The following LINGO2 variants were observed in gnomAD, a reference collection of about 807,000 sequenced individuals.
The protein encoded by LINGO2 is leucine-rich repeat and immunoglobulin-like domain-containing nogo receptor-interacting protein 2.
In LINGO2, 14 loss-of-function variants were observed where a neutral mutation model predicts 30.6. The observed-to-expected ratio is 0.46, with a 90% CI of 0.30 to 0.72. The LOEUF is 0.72. LINGO2 is among the 30% of genes least tolerant of loss of function. The pLI, the probability that LINGO2 is intolerant of heterozygous loss-of-function variation, is 0.07. For synonymous variants in LINGO2, 317 were observed against 288.5 expected (o/e 1.10, Z -1.00); for missense variants, 729 against 751.7 (o/e 0.97, Z 0.35).
chr9:28,663,894 G>A (rs944157511), intron 1 of LINGO2, among the ~76,000 whole-genome samples: 9 of 143,768 alleles, frequency 6.3e-5, no homozygotes, highest in African/African-American at 2.4e-4. Flanking sequence ...ATTCCTGGAA[G>A]AATCAACTTG....
At chr9:28,091,110 A>G (rs927602937) in intron 4 of LINGO2, among the ~76,000 whole-genome samples, 7 of 152,256 alleles carry the variant, frequency 4.6e-5, no homozygotes, top group Admixed American at 4.6e-4. Context: ...GGATAGGAAG[A>G]ATCAATATCA....
chr9:28,995,450 A>C, the LINGO2 span, among the ~76,000 whole-genome samples: 8 of 152,338 alleles, frequency 5.3e-5, no homozygotes, highest in Non-Finnish European at 7.3e-5. Context: ...ACCATTGTGG[A>C]AGTCAGTGTG....
chr9:28,187,327 T>C (rs189428529), intron 4 of LINGO2, among the ~76,000 whole-genome samples: 1 of 151,828 alleles, frequency 6.6e-6, no homozygotes, highest in Non-Finnish European at 1.5e-5. Context: ...CCCATCTCTG[T>C]TAAAATACAA....
chr9:28,985,159 T>C, the LINGO2 span, among the ~76,000 whole-genome samples: 1 of 152,124 alleles, frequency 6.6e-6, no homozygotes, highest in Non-Finnish European at 1.5e-5. Context: ...TAGCCTAATA[T>C]TCTCCAATTC....
intron 1 of LINGO2, among the ~76,000 whole-genome samples, chr9:28,536,494 CA>C (rs925376753): frequency 1.3e-5 from 2 of 152,012 alleles, no homozygotes; most frequent in Non-Finnish European, 2.9e-5. Flanking sequence ...TGAATGAAGA[CA>C]GCCCCTTACC....
the LINGO2 span, among the ~76,000 whole-genome samples, chr9:28,796,247 T>G: frequency 6.6e-6 from 1 of 152,158 alleles, no homozygotes; most frequent in African/African-American, 2.4e-5. Context: ...CTAGCTATAA[T>G]ATCCCATGCA....
At chr9:29,178,143 CCTCCTGGGTCCAAGTAATT>C in the LINGO2 span, among the ~76,000 whole-genome samples, 9 of 151,908 alleles carry the variant, frequency 5.9e-5, no homozygotes, top group Non-Finnish European at 1.2e-4. Context: ...GGAACCTCCG[CCTCCTGGGTCCAAGTAATT>C]CTCCCACCTC....
At chr9:27,994,169 A>T (rs912008971) in intron 5 of LINGO2, among the ~76,000 whole-genome samples, 27 of 152,106 alleles carry the variant, frequency 1.8e-4, no homozygotes, top group African/African-American at 6.5e-4. Context: ...ACGGAAATTT[A>T]TAGCAATAAA....
the LINGO2 span, among the ~76,000 whole-genome samples, chr9:29,116,183 A>G: frequency 7.1e-6 from 1 of 140,922 alleles, no homozygotes; most frequent in African/African-American, 2.7e-5. Flanking sequence ...AATACAAAAC[A>G]TATTTAACAA....
exon 6 of LINGO2, chr9:27,948,301 C>T (rs987865139): frequency 6.6e-6 from 1 of 152,462 alleles, no homozygotes; most frequent in African/African-American, 2.4e-5. Flanking sequence ...AAAAGCACAA[C>T]CTCTCATTCA....
chr9:28,645,848 T>G lies in LINGO2; in HGVS notation c.-365+24352A>C, dbSNP rs77352675. Among the ~76,000 whole-genome samples, 1,276 of 152,156 alleles carry G rather than the reference T, an allele frequency of 8.4e-3. 27 individuals carry two copies. The highest frequency in any genetic ancestry group is 0.036 in the East Asian group (185 of 5,154). On this transcript the variant is annotated intron_variant, in intron 1 of 5. Coordinates refer to ENST00000379992, the Ensembl canonical transcript of LINGO2. ...TCAGCTGGCTTCAGAAGTGCCTTATTAGGCAACTGTCTTGAAGGCAGTGCG... is the reference window on the plus strand; with the variant it reads ...TCAGCTGGCTTCAGAAGTGCCTTATGAGGCAACTGTCTTGAAGGCAGTGCG...
the LINGO2 span, among the ~76,000 whole-genome samples, chr9:28,867,725 G>T: frequency 1.3e-5 from 2 of 152,092 alleles, no homozygotes; most frequent in African/African-American, 4.8e-5. Context: ...AGTGTAATCT[G>T]TCCAAGGTTA....
At chr9:28,914,460 A>C in the LINGO2 span, among the ~76,000 whole-genome samples, 1 of 152,206 alleles carries the variant, frequency 6.6e-6, no homozygotes, top group Admixed American at 6.5e-5. Flanking sequence ...TTTCTTATGC[A>C]AATAAAACAA....
chr9:28,150,531 C>A (rs988615109), intron 4 of LINGO2, among the ~76,000 whole-genome samples: 1 of 152,100 alleles, frequency 6.6e-6, no homozygotes, highest in Non-Finnish European at 1.5e-5. Flanking sequence ...TTGCAGTGAG[C>A]CGAGATCGCA....
chr9:27,999,584 G>C (rs953761287), intron 5 of LINGO2, among the ~76,000 whole-genome samples: 4 of 152,072 alleles, frequency 2.6e-5, no homozygotes, highest in African/African-American at 9.7e-5. Context: ...TGTTTATAGT[G>C]GGTCACTTCT....
At chr9:28,480,595 GGAA>G (rs1461082052) in intron 1 of LINGO2, among the ~76,000 whole-genome samples, 2 of 152,006 alleles carry the variant, frequency 1.3e-5, no homozygotes, top group African/African-American at 2.4e-5. Flanking sequence ...ATTGCCAGGA[GGAA>G]GAATTCAGTA....
At chr9:28,019,341 G>GTTTTTTTTTTT (rs1823000501) in intron 4 of LINGO2, among the ~76,000 whole-genome samples, 1 of 144,588 alleles carries the variant, frequency 6.9e-6, no homozygotes. Context: ...CCATTCCTTA[G>GTTTTTTTTTTT]TAATGGATTA....
At chr9:29,123,529 T>G in the LINGO2 span, among the ~76,000 whole-genome samples, 4 of 151,786 alleles carry the variant, frequency 2.6e-5, no homozygotes, top group Non-Finnish European at 5.9e-5. Flanking sequence ...TCCTATCTTA[T>G]TAGTTAAAAA....
At position 28,137,351 on chromosome 9, in the gene LINGO2, A is replaced by G. The variant is rs1827548310; in HGVS notation, c.-86-124946T>C. On this transcript the variant is annotated intron_variant, in intron 4 of 5. Coordinates refer to ENST00000379992, the Ensembl canonical transcript of LINGO2. ...TATTTATTAATTTAACTTCTTGTTAAGACTTAATTCTGTGCAGCAAGAGTG... is the reference window on the plus strand; with the variant it reads ...TATTTATTAATTTAACTTCTTGTTAGGACTTAATTCTGTGCAGCAAGAGTG... Among the ~76,000 whole-genome samples, 3 of 152,124 alleles carry G rather than the reference A, an allele frequency of 2.0e-5. No homozygotes were observed. The South Asian group carries it at 6.2e-4, about 31-fold the overall frequency.
Sources: gnomAD v4.1 joint callset for allele counts (sites outside exome capture counted in the v4.1 genomes callset) on GRCh38, gnomAD v4.1.1 for gene constraint, MANE v1.5 for transcripts, NCBI Gene and HGNC (gene_info 2026-07-23, HGNC 2026-07-21) for gene names.